Variants in LRRTM4 observed in about 807,000 individuals in gnomAD.
LRRTM4 encodes leucine-rich repeat transmembrane neuronal protein 4.
In LRRTM4, 25 loss-of-function variants were observed where a neutral mutation model predicts 47.6. That is an observed-to-expected ratio of 0.53 (90% CI 0.38 to 0.73). The LOEUF is 0.73. LRRTM4 is among the 30% of genes least tolerant of loss of function. The pLI, the probability that LRRTM4 is intolerant of heterozygous loss-of-function variation, is 0.00. For missense variants in LRRTM4, 638 were observed against 713.4 expected, an observed-to-expected ratio of 0.89 and a Z score of 1.20; for synonymous variants, 311 against 269.5, an observed-to-expected ratio of 1.15 and a Z score of -1.51.
At chr2:77,083,366 T>C (rs1680593114) in intron 3 of LRRTM4, among the ~76,000 whole-genome samples, 1 of 152,180 alleles carries the variant, frequency 6.6e-6, no homozygotes, top group Non-Finnish European at 1.5e-5. Context: ...TCAGGGATTC[T>C]TAAAGGTTTG....
intron 3 of LRRTM4, among the ~76,000 whole-genome samples, chr2:77,119,821 G>A (rs1023591490): frequency 6.6e-5 from 10 of 151,704 alleles, no homozygotes; most frequent in African/African-American, 1.9e-4. Context: ...TCCATGCTTC[G>A]TTTCTACTCT....
In LRRTM4 at chr2:76,946,783, T is replaced by C. The variant is rs551456986; in HGVS notation, c.1552-197867A>G. Reference sequence around the variant, plus strand: ...CTGTAATCTTCTAAATTATACAACATTAAAAAGTGGACGTTTTTATTCCTG... The same window carrying C: ...CTGTAATCTTCTAAATTATACAACACTAAAAAGTGGACGTTTTTATTCCTG... On this transcript the variant is annotated intron_variant, in intron 3 of 3. Coordinates refer to ENST00000409884, the MANE Select transcript of LRRTM4 (RefSeq NM_001134745.3). Among the ~76,000 whole-genome samples, 15 of 152,038 alleles carry C rather than the reference T, an allele frequency of 9.9e-5. No individual in the cohort carries two copies. In the East Asian group the frequency reaches 2.7e-3, roughly 28 times the overall value.
rs150239261 is a variant in LRRTM4 at position 76,874,390 on chromosome 2, G to A, written c.1552-125474C>T. Among the ~76,000 whole-genome samples the A allele has an allele frequency of 1.1e-3, 167 of 152,040 alleles. 1 individual carries two copies. The Middle Eastern group carries it at 0.014, about 12-fold the overall frequency. On this transcript the variant is annotated intron_variant, in intron 3 of 3. Transcript: ENST00000409884. ...TATACTGTAATCACCTTGAGGGCAA[G>A]GCAAATGTCTTACCACTGTATTCCT...
intron 3 of LRRTM4, among the ~76,000 whole-genome samples, chr2:76,823,974 A>C (rs2103867137): frequency 6.7e-6 from 1 of 149,066 alleles, no homozygotes; most frequent in African/African-American, 2.6e-5. Flanking sequence ...TAACCCATAC[A>C]GAAAGGCTGA....
chr2:76,995,894 T>G (rs1186887397), intron 3 of LRRTM4, among the ~76,000 whole-genome samples: 1 of 152,060 alleles, frequency 6.6e-6, no homozygotes, highest in Non-Finnish European at 1.5e-5. Flanking sequence ...TATCAAGGTC[T>G]AAAGCACAGA....
chr2:76,969,896 C>G (rs746211888), intron 3 of LRRTM4, among the ~76,000 whole-genome samples: 3 of 151,876 alleles, frequency 2.0e-5, no homozygotes, highest in Non-Finnish European at 4.4e-5. Context: ...GTAATTGACA[C>G]AAAATCTCAA....
At chr2:76,883,497 T>C (rs891548422) in intron 3 of LRRTM4, among the ~76,000 whole-genome samples, 4 of 152,168 alleles carry the variant, frequency 2.6e-5, no homozygotes, top group African/African-American at 9.7e-5. Context: ...ATCCTATGGT[T>C]TGAGAATGCA....
chr2:77,209,972 A>G (rs1674246321), intron 3 of LRRTM4, among the ~76,000 whole-genome samples: 1 of 152,216 alleles, frequency 6.6e-6, no homozygotes, highest in African/African-American at 2.4e-5. Context: ...TGTTCCCAAC[A>G]CAGAATACAA....
chr2:76,880,691 G>A (rs1672904235), intron 3 of LRRTM4, among the ~76,000 whole-genome samples: 1 of 152,106 alleles, frequency 6.6e-6, no homozygotes, highest in South Asian at 2.1e-4. Context: ...GTTTCAAACT[G>A]ATTCGATCCC....
At chr2:77,249,066 G>A (rs1186006725) in intron 3 of LRRTM4, among the ~76,000 whole-genome samples, 1 of 151,956 alleles carries the variant, frequency 6.6e-6, no homozygotes, top group Admixed American at 6.6e-5. Context: ...TAAAAATTTG[G>A]GGGCCTGGCG....
intron 3 of LRRTM4, chr2:77,517,717 C>T (rs1679267936): frequency 2.0e-6 from 2 of 981,026 alleles, no homozygotes; most frequent in Non-Finnish European, 2.4e-6. Flanking sequence ...AAGAAAGAAG[C>T]CTTAGGAGCC....
chr2:76,858,277 C>G (rs1381992157), intron 3 of LRRTM4, among the ~76,000 whole-genome samples: 1 of 152,136 alleles, frequency 6.6e-6, no homozygotes, highest in African/African-American at 2.4e-5. Flanking sequence ...CCTGAAAAAA[C>G]AAAAAGGCTG....
In LRRTM4 at chr2:76,896,320, T is replaced by A. The variant is rs538367617; in HGVS notation, c.1552-147404A>T. Among the ~76,000 whole-genome samples the A allele has an allele frequency of 2.0e-5, 3 of 152,090 alleles. No individual in the cohort carries two copies. In the South Asian group the frequency reaches 6.2e-4, roughly 32 times the overall value. On this transcript the variant is annotated intron_variant, in intron 3 of 3. Transcript: ENST00000409884. ...ATTTAGATAATAAACACTCAAACTG[T>A]GCAATCAGGGCCAAAAAGTAAAATA...
At chr2:76,896,721 C>A (rs1673429323) in intron 3 of LRRTM4, among the ~76,000 whole-genome samples, 1 of 150,644 alleles carries the variant, frequency 6.6e-6, no homozygotes, top group African/African-American at 2.4e-5. Context: ...ATTTTTAAAT[C>A]TTTTTGTTTC....
At chr2:76,867,224 T>A (rs1246722237) in intron 3 of LRRTM4, among the ~76,000 whole-genome samples, 1 of 152,076 alleles carries the variant, frequency 6.6e-6, no homozygotes, top group African/African-American at 2.4e-5. Flanking sequence ...TCTCAGAACT[T>A]AAAGTAAAAT....
chr2:77,279,390 C>T (rs1676448038), intron 3 of LRRTM4, among the ~76,000 whole-genome samples: 1 of 151,876 alleles, frequency 6.6e-6, no homozygotes, highest in South Asian at 2.1e-4. Context: ...ATTTCTTCAA[C>T]CAAATTTATG....
intron 3 of LRRTM4, among the ~76,000 whole-genome samples, chr2:77,470,574 T>A (rs774179317): frequency 6.6e-6 from 1 of 152,226 alleles, no homozygotes; most frequent in East Asian, 1.9e-4. Flanking sequence ...TCAGGTGCTA[T>A]GAGAAAGTTT....
intron 3 of LRRTM4, among the ~76,000 whole-genome samples, chr2:77,126,799 A>G (rs966669961): frequency 7.9e-5 from 12 of 152,302 alleles, no homozygotes; most frequent in Middle Eastern, 3.4e-3. Context: ...AAGGAAAATC[A>G]AGCATTCAAT....
At chr2:77,328,988 T>C (rs1670875538) in intron 3 of LRRTM4, among the ~76,000 whole-genome samples, 1 of 152,168 alleles carries the variant, frequency 6.6e-6, no homozygotes, top group Non-Finnish European at 1.5e-5. Context: ...CTGAGTTTTC[T>C]CATCTGTAAA....
Sources: allele counts gnomAD v4.1 joint callset (sites outside exome capture counted in the v4.1 genomes callset), GRCh38; gene constraint gnomAD v4.1.1; transcripts MANE v1.5; gene names NCBI Gene and HGNC (gene_info 2026-07-23, HGNC 2026-07-21).